Variants in ENKUR observed in about 807,000 individuals in gnomAD.
ENKUR encodes enkurin, TRPC channel interacting protein.
ENKUR carries 19 observed loss-of-function variants against 27.6 expected under a neutral mutation model. That is an observed-to-expected ratio of 0.69 (90% CI 0.48 to 1.01). The LOEUF (loss-of-function observed/expected upper bound fraction) is 1.01. Ranked by LOEUF, ENKUR falls within the 50% of genes least tolerant of loss-of-function variation. The pLI is 0.00. For missense variants in ENKUR, 312 were observed against 310.5 expected, an observed-to-expected ratio of 1.00 and a Z score of -0.04; for synonymous variants, 117 against 96.9, an observed-to-expected ratio of 1.21 and a Z score of -1.22.
intron 1 of ENKUR, among the ~76,000 whole-genome samples, chr10:25,003,495 C>T (rs190715132): frequency 6.6e-6 from 1 of 152,324 alleles, no homozygotes; most frequent in East Asian, 1.9e-4. Context: ...ATGTGAGCCA[C>T]TGCGCCAAGC....
At chr10:25,011,572 A>G (rs773501517) in intron 1 of ENKUR, among the ~76,000 whole-genome samples, 1 of 152,202 alleles carries the variant, frequency 6.6e-6, no homozygotes, top group East Asian at 1.9e-4. Flanking sequence ...CACCTTATAC[A>G]AAAATTAATT....
chr10:25,024,087 C>G (rs150015345), intron 2 of ENKUR: 276 of 1,614,142 alleles, frequency 1.7e-4, no homozygotes, highest in Non-Finnish European at 2.2e-4. Flanking sequence ...GAGCAACCTA[C>G]GTAGAAAGAG....
intron 2 of ENKUR, among the ~76,000 whole-genome samples, chr10:25,034,651 A>G (rs1850981985): frequency 6.6e-6 from 1 of 152,236 alleles, no homozygotes; most frequent in Non-Finnish European, 1.5e-5. Context: ...TGCCAAGTCA[A>G]CATGGGTCAT....
upstream of ENKUR, among the ~76,000 whole-genome samples, chr10:25,019,530 G>A (rs1005211154): frequency 2.0e-5 from 3 of 152,098 alleles, no homozygotes; most frequent in African/African-American, 4.8e-5. Flanking sequence ...AAACAAAAAA[G>A]CAAATTAGTA....
At chr10:25,038,882 G>A (rs1178017581) in intron 2 of ENKUR, among the ~76,000 whole-genome samples, 1 of 152,166 alleles carries the variant, frequency 6.6e-6, no homozygotes, top group Non-Finnish European at 1.5e-5. Context: ...TTAGGACTTG[G>A]AATGAGAAAG....
At chr10:25,013,159 T>C (rs1363658058) in intron 1 of ENKUR, among the ~76,000 whole-genome samples, 1 of 152,232 alleles carries the variant, frequency 6.6e-6, no homozygotes, top group Non-Finnish European at 1.5e-5. Context: ...TCCTCAGCCA[T>C]GTGAAACTGT....
intron 2 of ENKUR, chr10:25,021,804 G>GT: frequency 6.6e-6 from 1 of 152,254 alleles, no homozygotes; most frequent in African/African-American, 2.4e-5. Flanking sequence ...ATTGGTTCCG[G>GT]TGTGTCCTAT....
Position 25,014,037 on chromosome 10 carries a change from G to A in ENKUR, c.77+1823C>T, listed in dbSNP as rs189859993. 2.9e-3 allele frequency among the ~76,000 whole-genome samples: 445 copies of A among 152,236 alleles called. 2 individuals carry two copies. Among genetic ancestry groups the A allele is most frequent in the African/African-American group, 0.011 (437 of 41,536 alleles). On this transcript the variant is annotated intron_variant, in intron 1 of 5. Coordinates refer to ENST00000331161, the MANE Select transcript of ENKUR (RefSeq NM_145010.4). ...ATGAGTAACTCAAATTTTGAAAACT[G>A]AATCATGACTTCCCATTGACTCTGA... is the stretch of plus-strand genomic sequence containing the variant.
At chr10:25,050,251 A>G (rs1319149812) in intron 2 of ENKUR, among the ~76,000 whole-genome samples, 1 of 152,208 alleles carries the variant, frequency 6.6e-6, no homozygotes, top group Non-Finnish European at 1.5e-5. Flanking sequence ...GGAGGGGACA[A>G]GCATCCAAAC....
At chr10:25,000,816 GT>G (rs1850173532) in intron 1 of ENKUR, among the ~76,000 whole-genome samples, 1 of 151,738 alleles carries the variant, frequency 6.6e-6, no homozygotes, top group South Asian at 2.1e-4. Flanking sequence ...CCAGCTTGCT[GT>G]TTTTTTACAT....
upstream of ENKUR, chr10:25,016,613 T>A (rs41279888): frequency 0.037 from 5,603 of 152,382 alleles, 142 homozygotes; most frequent in Non-Finnish European, 0.058. Context: ...GGGAAGGGCG[T>A]GGAGCGGAGG....
intron 1 of ENKUR, among the ~76,000 whole-genome samples, chr10:25,014,521 GAA>G (rs376706730): frequency 6.8e-6 from 1 of 146,174 alleles, no homozygotes; most frequent in Non-Finnish European, 1.5e-5. Flanking sequence ...AATTTTTTTT[GAA>G]AAAAAAAATC....
chr10:24,986,241 C>A (rs1485984949), intron 4 of ENKUR, among the ~76,000 whole-genome samples: 2 of 152,034 alleles, frequency 1.3e-5, no homozygotes, highest in African/African-American at 4.8e-5. Context: ...CTTTCAGGGA[C>A]AATACAATTT....
intron 2 of ENKUR, among the ~76,000 whole-genome samples, chr10:25,055,373 A>T (rs1036735847): frequency 1.3e-5 from 2 of 152,016 alleles, no homozygotes; most frequent in African/African-American, 4.8e-5. Flanking sequence ...CACTGGTATT[A>T]TGCACCTTCC....
Position 24,995,806 on chromosome 10 carries a change from A to C in ENKUR, c.287T>G (p.Val96Gly), listed in dbSNP as rs1303827575. 3 of 1,614,020 alleles carry C rather than the reference A, an allele frequency of 1.9e-6. No individual in the cohort carries two copies. In the South Asian group the frequency reaches 3.3e-5, roughly 18 times the overall value. ...PAVPLKTDHPVMGIQSGKNFI... is the reference protein window; with the variant it reads ...PAVPLKTDHPGMGIQSGKNFI... ...ATTTTTTCCACTCTGTATTCCCATGACAGGATGATCAGTCTTCAATGGCAC... is the reference window on the plus strand; with the variant it reads ...ATTTTTTCCACTCTGTATTCCCATGCCAGGATGATCAGTCTTCAATGGCAC... The change falls in exon 3 of 6, where the codon GTC becomes GGC. Residue 96 changes from valine (V) to glycine (G), a missense_variant. Coordinates refer to ENST00000331161, the MANE Select transcript of ENKUR (RefSeq NM_145010.4).
upstream of ENKUR, among the ~76,000 whole-genome samples, chr10:25,017,621 CTTTT>C (rs139511500): frequency 7.0e-6 from 1 of 142,178 alleles, no homozygotes; most frequent in Admixed American, 7.0e-5. Flanking sequence ...TTAAGTTTTT[CTTTT>C]TTTTTTTTTT....
intron 1 of ENKUR, among the ~76,000 whole-genome samples, chr10:25,001,219 A>C (rs1177117964): frequency 6.6e-6 from 1 of 151,862 alleles, no homozygotes; most frequent in African/African-American, 2.4e-5. Flanking sequence ...GACATTTTTA[A>C]ACTTCTGGCT....
At chr10:25,023,810 G>T (rs1564349601) in intron 2 of ENKUR, 1 of 1,614,078 alleles carries the variant, frequency 6.2e-7, no homozygotes, top group South Asian at 1.1e-5. Flanking sequence ...TATAAGAAGT[G>T]GTATGATGCT....
At chr10:24,984,604 T>C in intron 5 of ENKUR, 132 bp downstream of exon 5, 1 of 1,088,730 alleles carries the variant, frequency 9.2e-7, no homozygotes, top group Admixed American at 3.0e-5. Context: ...GCATATTGCC[T>C]AAGCATTCTG....
Sources: gnomAD v4.1 joint callset for allele counts (sites outside exome capture counted in the v4.1 genomes callset) on GRCh38, gnomAD v4.1.1 for gene constraint, MANE v1.5 for transcripts, NCBI Gene and HGNC (gene_info 2026-07-23, HGNC 2026-07-21) for gene names.